Variants in CACNB2 observed in about 807,000 individuals in gnomAD.
CACNB2 encodes the protein calcium voltage-gated channel auxiliary subunit beta 2, also known as voltage-dependent L-type calcium channel subunit beta-2.
Under a neutral mutation model 73.3 loss-of-function variants are expected in CACNB2, and 42 were observed. The ratio of observed to expected loss-of-function variants is 0.57; its 90% CI spans 0.45 to 0.74. CACNB2 has a LOEUF of 0.74. Ranked by LOEUF, CACNB2 falls within the 30% of genes least tolerant of loss-of-function variation. The probability of loss-of-function intolerance (pLI) is 0.00; values close to 1 mark genes in which losing one functional copy is unlikely to be tolerated. For missense variants in CACNB2, 940 were observed against 853.0 expected, an observed-to-expected ratio of 1.10 and a Z score of -1.27; for synonymous variants, 348 against 310.3, an observed-to-expected ratio of 1.12 and a Z score of -1.28.
At chr10:18,189,843 C>T (rs1430805619) in intron 2 of CACNB2, among the ~76,000 whole-genome samples, 1 of 152,196 alleles carries the variant, frequency 6.6e-6, no homozygotes, top group Non-Finnish European at 1.5e-5. Context: ...TTGATCAACA[C>T]TGGATGTTAT....
At chr10:18,225,565 C>T (rs549049363) in intron 2 of CACNB2, among the ~76,000 whole-genome samples, 1 of 77,130 alleles carries the variant, frequency 1.3e-5, no homozygotes, top group African/African-American at 4.5e-5. Flanking sequence ...TCCCTCCCTC[C>T]CTCCCTCCCT....
At chr10:18,448,146 T>C (rs1292376147) in intron 3 of CACNB2, among the ~76,000 whole-genome samples, 1 of 152,086 alleles carries the variant, frequency 6.6e-6, no homozygotes, top group Non-Finnish European at 1.5e-5. Context: ...GGTGAGCCAC[T>C]GTACCTGGAC....
intron 2 of CACNB2, among the ~76,000 whole-genome samples, chr10:18,374,858 A>T (rs1403226770): frequency 2.0e-5 from 3 of 152,184 alleles, no homozygotes; most frequent in South Asian, 2.1e-4. Flanking sequence ...ACTCAGCCTT[A>T]GAACTGTAAT....
intron 4 of CACNB2, 151 bp from the exon 5 acceptor site, chr10:18,500,661 G>A (rs1299550045): frequency 1.2e-6 from 1 of 802,010 alleles, no homozygotes; most frequent in East Asian, 2.6e-5. Context: ...TCTTACATGT[G>A]AAACCCATGA....
intron 2 of CACNB2, among the ~76,000 whole-genome samples, chr10:18,323,013 A>AGT (rs962721572): frequency 6.2e-5 from 8 of 129,380 alleles, no homozygotes; most frequent in African/African-American, 2.4e-4. Context: ...CCCAGACTGG[A>AGT]GTACAGTGGC....
chr10:18,385,648 A>AC (rs1269854126), intron 2 of CACNB2, among the ~76,000 whole-genome samples: 1 of 151,592 alleles, frequency 6.6e-6, no homozygotes, highest in Non-Finnish European at 1.5e-5. Flanking sequence ...CATCTCAAAA[A>AC]AAAAAAAAAA....
At chr10:18,402,165 G>A in intron 3 of CACNB2, 122 bp downstream of exon 3, 3 of 1,143,628 alleles carry the variant, frequency 2.6e-6, no homozygotes, top group Admixed American at 3.6e-5. Context: ...TCTGGTTTTA[G>A]AAAGGTACAA....
At chr10:18,201,065 A>C (rs1037655427) in intron 2 of CACNB2, among the ~76,000 whole-genome samples, 6 of 152,154 alleles carry the variant, frequency 3.9e-5, no homozygotes, top group African/African-American at 1.4e-4. Flanking sequence ...GATCATTTTA[A>C]TGCCCCTCTA....
At chr10:18,384,216 C>T (rs1019095812) in intron 2 of CACNB2, among the ~76,000 whole-genome samples, 19 of 152,112 alleles carry the variant, frequency 1.2e-4, no homozygotes, top group Admixed American at 3.9e-4. Flanking sequence ...CATATCATCA[C>T]GATCTGTGGT....
intron 3 of CACNB2, among the ~76,000 whole-genome samples, chr10:18,483,005 G>A (rs909161424): frequency 1.3e-5 from 2 of 151,882 alleles, no homozygotes; most frequent in East Asian, 1.9e-4. Flanking sequence ...ACCTTGTTTC[G>A]GCCCCTTCAA....
At chr10:18,405,032 T>C (rs1490121511) in intron 3 of CACNB2, among the ~76,000 whole-genome samples, 1 of 152,212 alleles carries the variant, frequency 6.6e-6, no homozygotes, top group Non-Finnish European at 1.5e-5. Context: ...GTCATTTCAG[T>C]TTGTGCTATC....
intron 2 of CACNB2, among the ~76,000 whole-genome samples, chr10:18,201,586 T>C (rs1418883244): frequency 6.6e-6 from 1 of 152,220 alleles, no homozygotes; most frequent in Admixed American, 6.5e-5. Context: ...GTGTTGTTTT[T>C]AATTGACACA....
chr10:18,450,502 G>T (rs556299305), intron 3 of CACNB2, among the ~76,000 whole-genome samples: 1 of 152,224 alleles, frequency 6.6e-6, no homozygotes, highest in South Asian at 2.1e-4. Context: ...GATGTGGGCC[G>T]TAAGGAATCC....
chr10:18,480,747 C>A (rs375363698), intron 3 of CACNB2, among the ~76,000 whole-genome samples: 1 of 152,122 alleles, frequency 6.6e-6, no homozygotes, highest in Non-Finnish European at 1.5e-5. Flanking sequence ...AGAAAATAGA[C>A]GAATTTATCC....
rs74511671 is a variant in CACNB2, at chr10:18,293,636, G to A, written c.214-108288G>A. 4.6e-3 allele frequency among the ~76,000 whole-genome samples: 703 copies of A among 152,304 alleles called. 5 individuals are homozygous for A. Among genetic ancestry groups the A allele is most frequent in the African/African-American group, 0.016 (670 of 41,552 alleles). ...CAAGTTGTTGGCTAAAAATTTAGGAGCACTTATTTCAAGAGAGTCAGCATA... is the reference window on the plus strand; with the variant it reads ...CAAGTTGTTGGCTAAAAATTTAGGAACACTTATTTCAAGAGAGTCAGCATA... On this transcript the variant is annotated intron_variant, in intron 2 of 13. Coordinates refer to ENST00000324631, the MANE Select transcript of CACNB2 (RefSeq NM_201596.3).
intron 2 of CACNB2, among the ~76,000 whole-genome samples, chr10:18,266,581 C>A (rs12254400): frequency 0.15 from 22,148 of 151,600 alleles, 1,803 homozygotes; most frequent in African/African-American, 0.2. Flanking sequence ...TCAGAATTGT[C>A]CCGACAGTTA....
At chr10:18,384,269 T>C (rs952114927) in intron 2 of CACNB2, among the ~76,000 whole-genome samples, 1 of 152,180 alleles carries the variant, frequency 6.6e-6, no homozygotes, top group African/African-American at 2.4e-5. Flanking sequence ...GATAAAAATA[T>C]AGTGTACCTC....
At chr10:18,386,551 C>T (rs563217823) in intron 2 of CACNB2, among the ~76,000 whole-genome samples, 13 of 151,780 alleles carry the variant, frequency 8.6e-5, no homozygotes, top group African/African-American at 1.2e-4. Flanking sequence ...TACAGGCGCC[C>T]GCCACCATGC....
chr10:18,217,686 T>A (rs1360319197), intron 2 of CACNB2, among the ~76,000 whole-genome samples: 2 of 151,464 alleles, frequency 1.3e-5, no homozygotes, highest in African/African-American at 4.9e-5. Context: ...AATCACATGC[T>A]TATCTAGGAG....
Sources: allele counts gnomAD v4.1 joint callset (sites outside exome capture counted in the v4.1 genomes callset), GRCh38; gene constraint gnomAD v4.1.1; transcripts MANE v1.5; gene names NCBI Gene and HGNC (gene_info 2026-07-23, HGNC 2026-07-21).